Variants in PPDPFL observed in about 807,000 individuals in gnomAD.
The protein encoded by PPDPFL is pancreatic progenitor cell differentiation and proliferation factor-like protein.
Under a neutral mutation model 12.6 loss-of-function variants are expected in PPDPFL, and 12 were observed. The observed-to-expected ratio is 0.95, with a 90% confidence interval of 0.61 to 1.54. The LOEUF is 1.54. PPDPFL is among the 40% of genes most tolerant of loss of function. The probability of loss-of-function intolerance (pLI) is 0.00; values close to 1 mark genes in which losing one functional copy is unlikely to be tolerated. For missense variants in PPDPFL, 114 were observed against 96.0 expected (o/e 1.19, Z -0.78); for synonymous variants, 24 against 32.7 (o/e 0.73, Z 0.91).
At chr8:49,060,382 C>T (rs1045807451) in intron 1 of PPDPFL, among the ~76,000 whole-genome samples, 2 of 152,168 alleles carry the variant, frequency 1.3e-5, no homozygotes, top group African/African-American at 4.8e-5. Flanking sequence ...GGCAGGATCT[C>T]GGCTCACCTC....
intron 2 of PPDPFL, 111 bp from the exon 3 acceptor site, chr8:49,073,948 A>G: frequency 1.4e-6 from 1 of 706,646 alleles, no homozygotes; most frequent in Non-Finnish European, 2.4e-6. Context: ...TTCACAAGCC[A>G]GGAATAAATG....
intron 4 of PPDPFL, chr8:49,074,534 C>T (rs1808456581): frequency 3.3e-6 from 5 of 1,537,038 alleles, no homozygotes; most frequent in South Asian, 1.2e-5. Flanking sequence ...GATCATAGCA[C>T]CCTTTCCAGT....
chr8:49,061,158 C>T (rs1399692154), intron 1 of PPDPFL, among the ~76,000 whole-genome samples: 2 of 152,064 alleles, frequency 1.3e-5, no homozygotes, highest in African/African-American at 4.8e-5. Flanking sequence ...TCCCTCAAAA[C>T]TCAGATGTTG....
chr8:49,063,393 G>C (rs914624968), intron 1 of PPDPFL, among the ~76,000 whole-genome samples: 1 of 152,112 alleles, frequency 6.6e-6, no homozygotes, highest in Non-Finnish European at 1.5e-5. Flanking sequence ...TGCATCCTGG[G>C]AGAAATGGCT....
At chr8:49,071,473 C>A (rs1401052336), upstream of PPDPFL, among the ~76,000 whole-genome samples, 1 of 152,048 alleles carries the variant, frequency 6.6e-6, no homozygotes, top group Non-Finnish European at 1.5e-5. Flanking sequence ...CTGGCTAACA[C>A]GGTGAAACCC....
intron 1 of PPDPFL, among the ~76,000 whole-genome samples, chr8:49,057,562 C>T (rs1808131303): frequency 1.3e-5 from 2 of 152,118 alleles, no homozygotes; most frequent in Admixed American, 1.3e-4. Context: ...AGCAATTCTA[C>T]ATAAAATCTC....
At position 49,066,655 on chromosome 8, in the gene PPDPFL, A is replaced by G. The variant is rs137874362; in HGVS notation, c.-44-6132A>G. The stretch of plus-strand genomic sequence containing the variant: ...ATAATTTTCTGGAGAACATACTGTA[A>G]TATTATGTTGTTTTGGGCTGCCTTC... On this transcript the variant is annotated intron_variant, in intron 1 of 4. Transcript: ENST00000517663. Among the ~76,000 whole-genome samples, 6 of 152,298 alleles carry G rather than the reference A, an allele frequency of 3.9e-5. No individual in the cohort carries two copies. The East Asian group carries it at 7.7e-4, about 20-fold the overall frequency.
At chr8:49,059,317 G>A (rs1005556234) in intron 1 of PPDPFL, among the ~76,000 whole-genome samples, 1 of 152,092 alleles carries the variant, frequency 6.6e-6, no homozygotes, top group Admixed American at 6.6e-5. Flanking sequence ...ATTAAAGAGG[G>A]ATAACGCTAT....
intron 3 of PPDPFL, 40 bp downstream of exon 3, chr8:49,074,176 T>C (rs772708144): frequency 1.9e-6 from 3 of 1,603,282 alleles, no homozygotes; most frequent in Admixed American, 1.7e-5. Flanking sequence ...TTATTATTTC[T>C]TTTTATTTTC....
chr8:49,065,027 A>AT (rs1563299133), intron 1 of PPDPFL, among the ~76,000 whole-genome samples: 1 of 152,216 alleles, frequency 6.6e-6, no homozygotes, highest in African/African-American at 2.4e-5. Context: ...CAGAGTAATT[A>AT]TCCAACTCAC....
chr8:49,063,654 G>T (rs944272747), intron 1 of PPDPFL, among the ~76,000 whole-genome samples: 1 of 152,070 alleles, frequency 6.6e-6, no homozygotes, highest in Non-Finnish European at 1.5e-5. Flanking sequence ...GGAGGTGGAG[G>T]TTGCAGTGAG....
intron 1 of PPDPFL, chr8:49,054,505 G>A (rs984659970): frequency 6.6e-6 from 1 of 152,116 alleles, no homozygotes; most frequent in African/African-American, 2.4e-5. Context: ...GTTATTGGTA[G>A]ACCTTCTGGT....
At chr8:49,060,409 G>C (rs188325677) in intron 1 of PPDPFL, among the ~76,000 whole-genome samples, 152 of 152,178 alleles carry the variant, frequency 1.0e-3, no homozygotes, top group Middle Eastern at 3.4e-3. Flanking sequence ...CGCCTCCTGG[G>C]TTTAAGTGAT....
At chr8:49,059,049 T>C (rs1050056305) in intron 1 of PPDPFL, among the ~76,000 whole-genome samples, 2 of 152,222 alleles carry the variant, frequency 1.3e-5, no homozygotes, top group African/African-American at 2.4e-5. Context: ...TTCTTAGATA[T>C]GGACACATTC....
At chr8:49,071,499 T>G (rs1416603924), upstream of PPDPFL, among the ~76,000 whole-genome samples, 1 of 151,926 alleles carries the variant, frequency 6.6e-6, no homozygotes, top group African/African-American at 2.4e-5. Flanking sequence ...CTACTAAAAA[T>G]ACAAAAATTA....
chr8:49,060,903 T>C (rs1005039599), intron 1 of PPDPFL, among the ~76,000 whole-genome samples: 10 of 152,172 alleles, frequency 6.6e-5, no homozygotes, highest in African/African-American at 1.9e-4. Context: ...TATCATGATG[T>C]AATTGATGAA....
chr8:49,061,468 A>G (rs1808201557), intron 1 of PPDPFL, among the ~76,000 whole-genome samples: 1 of 152,216 alleles, frequency 6.6e-6, no homozygotes, highest in Non-Finnish European at 1.5e-5. Flanking sequence ...GCCTTAGCAA[A>G]TGAACACACG....
At chr8:49,063,131 GGTAT>G (rs1478593668) in intron 1 of PPDPFL, among the ~76,000 whole-genome samples, 3 of 152,140 alleles carry the variant, frequency 2.0e-5, no homozygotes, top group Non-Finnish European at 4.4e-5. Flanking sequence ...TTGTTAGGGC[GGTAT>G]GTATAGGAGC....
intron 1 of PPDPFL, among the ~76,000 whole-genome samples, chr8:49,054,597 C>A (rs1808084929): frequency 2.0e-5 from 3 of 151,998 alleles, no homozygotes. Flanking sequence ...GCTGATATTT[C>A]ACATTGTTAA....
Sources: allele counts gnomAD v4.1 joint callset (sites outside exome capture counted in the v4.1 genomes callset), GRCh38; gene constraint gnomAD v4.1.1; transcripts MANE v1.5; gene names NCBI Gene and HGNC (gene_info 2026-07-23, HGNC 2026-07-21).